Variants in USP25 observed in about 807,000 individuals in gnomAD.
USP25 encodes ubiquitin specific peptidase 25, also known as ubiquitin carboxyl-terminal hydrolase 25.
A neutral mutation model predicts 158.5 loss-of-function variants in USP25; 85 were observed. The ratio of observed to expected loss-of-function variants is 0.54; its 90% CI spans 0.45 to 0.64. USP25 has a LOEUF of 0.64. Among genes scored for constraint, USP25 ranks in the 30% least tolerant of loss-of-function variants. USP25 has a pLI of 0.00. For missense variants in USP25, 1,242 were observed against 1,327.3 expected (o/e 0.94, Z 1.00); for synonymous variants, 464 against 460.4 (o/e 1.01, Z -0.10).
chr21:15,742,911 G>C (rs1445198428), intron 1 of USP25, among the ~76,000 whole-genome samples: 1 of 152,208 alleles, frequency 6.6e-6, no homozygotes, highest in Non-Finnish European at 1.5e-5. Flanking sequence ...TATACCGCAT[G>C]TGGCTTCCAC....
intron 10 of USP25, among the ~76,000 whole-genome samples, chr21:15,822,722 T>G (rs867411409): frequency 6.6e-6 from 1 of 152,128 alleles, no homozygotes; most frequent in South Asian, 2.1e-4. Context: ...GGATTAGAAC[T>G]AACTCAAAAA....
intron 9 of USP25, among the ~76,000 whole-genome samples, chr21:15,815,372 G>A (rs2036884847): frequency 1.3e-5 from 2 of 152,206 alleles, no homozygotes; most frequent in African/African-American, 4.8e-5. Context: ...TAGTGGAACT[G>A]TGAGAAGAAG....
Position 15,730,021 on chromosome 21 carries a change from C to T in USP25, c.-373C>T, listed in dbSNP as rs907747925. 6 of 151,634 alleles carry T rather than the reference C, an allele frequency of 4.0e-5. No individual in the cohort carries two copies. The highest frequency in any genetic ancestry group is 2.0e-4 in the Admixed American group (3 of 15,206). 9.4% of individuals were successfully genotyped at this position (151,634 alleles called of 1,614,324 possible). On this transcript the variant is annotated 5_prime_UTR_variant, in exon 1 of 26. Transcript: ENST00000400183. ...CTCCCTCCGTCCCCTCTCTCCCTTC[C>T]CCAAAGCAGCCCGCGGACCGGCAGC...
Position 15,762,914 on chromosome 21 carries a change from A to G in USP25, c.69A>G (p.Gln23=), listed in dbSNP as rs79517903. Residue 23 remains glutamine (Q), a synonymous_variant, in exon 2 of 26, where the codon CAA becomes CAG. Coordinates refer to ENST00000400183, the MANE Select transcript of USP25 (RefSeq NM_001283041.3). ...AGCACCAGCAGACGTTTTTGAATCA[A>G]CTGAGAGAAATTACGGGGATTAATG... is the stretch of plus-strand genomic sequence containing the variant. ...AQKHQQTFLN[Q]LREITGINDT... 3,305 of 1,612,838 alleles carry G rather than the reference A, an allele frequency of 2.0e-3. 38 individuals carry two copies. In the African/African-American group the frequency reaches 0.03, roughly 15 times the overall value.
intron 22 of USP25, among the ~76,000 whole-genome samples, chr21:15,869,866 T>C (rs2039812589): frequency 6.6e-6 from 1 of 152,320 alleles, no homozygotes; most frequent in Non-Finnish European, 1.5e-5. Flanking sequence ...TGCCTAATAA[T>C]TTTTAGATTT....
intron 4 of USP25, among the ~76,000 whole-genome samples, chr21:15,786,749 A>T (rs2035297902): frequency 6.6e-6 from 1 of 152,108 alleles, no homozygotes; most frequent in Non-Finnish European, 1.5e-5. Context: ...CCTATTCAAC[A>T]TAGTACTGGA....
chr21:15,730,974 C>CTTTTTTTT (rs1420306163), intron 1 of USP25, among the ~76,000 whole-genome samples: 3 of 60,340 alleles, frequency 5.0e-5, no homozygotes, highest in African/African-American at 1.5e-4. Context: ...TTCTTCTTTT[C>CTTTTTTTT]TGTTTTTTTT....
intron 3 of USP25, among the ~76,000 whole-genome samples, chr21:15,769,683 T>C (rs1017597365): frequency 2.0e-5 from 3 of 152,136 alleles, no homozygotes. Context: ...AACTCTGTCA[T>C]AGACATGACC....
At chr21:15,734,790 T>A (rs1311913501) in intron 1 of USP25, among the ~76,000 whole-genome samples, 3 of 152,178 alleles carry the variant, frequency 2.0e-5, no homozygotes, top group Non-Finnish European at 4.4e-5. Context: ...AAAACTAGAT[T>A]TAGATGTTGA....
At chr21:15,803,418 G>A (rs955985969) in intron 6 of USP25, among the ~76,000 whole-genome samples, 9 of 151,484 alleles carry the variant, frequency 5.9e-5, no homozygotes, top group African/African-American at 2.2e-4. Context: ...AGAGAAGTGG[G>A]GCTTATCCAG....
chr21:15,823,230 ATCTT>A (rs532069522), intron 10 of USP25, among the ~76,000 whole-genome samples: 453 of 152,176 alleles, frequency 3.0e-3, no homozygotes, highest in African/African-American at 0.01. Context: ...TTTACATACA[ATCTT>A]TCTTTCTCTT....
Position 15,777,934 on chromosome 21 carries a change from A to T in USP25, c.299A>T (p.Asp100Val), listed in dbSNP as rs1393506444. The T allele has an allele frequency of 3.1e-6, 5 of 1,611,602 alleles. No homozygotes were observed. In the South Asian group the frequency reaches 4.4e-5, roughly 14 times the overall value. ...NVIDLTGDDK[D>V]DLQRAIALSL... ...ATTGATCTCACTGGAGATGATAAAGATGATCTTCAGAGAGCAATTGCCTTG... is the reference window on the plus strand; with the variant it reads ...ATTGATCTCACTGGAGATGATAAAGTTGATCTTCAGAGAGCAATTGCCTTG... Residue 100 changes from aspartate to valine, a missense_variant, in exon 4 of 26, where the codon GAT becomes GTT. Coordinates refer to ENST00000400183, the MANE Select transcript of USP25 (RefSeq NM_001283041.3).
chr21:15,740,641 GTTTTTTTTTTTTTTTTTTTT>G lies in USP25; in HGVS notation c.45+10217_45+10236del, dbSNP rs60616271. Among the ~76,000 whole-genome samples the G allele has an allele frequency of 3.4e-4, 14 of 41,306 alleles. 1 individual carries two copies. In the South Asian group the frequency reaches 8.5e-3, roughly 25 times the overall value. 27.1% of individuals were successfully genotyped at this position (41,306 alleles called of 152,430 possible). A position where few individuals can be genotyped will look rare whatever the true frequency, so the allele number is the denominator to read the frequency against. On this transcript the variant is annotated intron_variant, in intron 1 of 25. Coordinates refer to ENST00000400183, the MANE Select transcript of USP25 (RefSeq NM_001283041.3). Reference sequence around the variant, plus strand: ...GTAATCTTCCTGTTTCTTTCTGGCTGTTTTTTTTTTTTTTTTTTTTTTTTTTTTTTTTTGGTATGTGCGTG... The same window carrying G: ...GTAATCTTCCTGTTTCTTTCTGGCTGTTTTTTTTTTTTTGGTATGTGCGTG...
At chr21:15,736,306 C>T (rs1371955729) in intron 1 of USP25, among the ~76,000 whole-genome samples, 1 of 152,068 alleles carries the variant, frequency 6.6e-6, no homozygotes, top group Non-Finnish European at 1.5e-5. Flanking sequence ...TCGTGTTGGC[C>T]AGGCTGGTCT....
At chr21:15,858,919 A>G (rs2039284481) in intron 20 of USP25, among the ~76,000 whole-genome samples, 1 of 151,724 alleles carries the variant, frequency 6.6e-6, no homozygotes, top group Non-Finnish European at 1.5e-5. Context: ...ATACTTGTAA[A>G]CCCTTAATTC....
At chr21:15,797,194 A>G (rs1038766998) in intron 5 of USP25, among the ~76,000 whole-genome samples, 1 of 151,398 alleles carries the variant, frequency 6.6e-6, no homozygotes, top group Non-Finnish European at 1.5e-5. Context: ...AGGGAGAGTA[A>G]AAGGAAATAG....
chr21:15,848,829 A>G (rs1274619094), intron 19 of USP25, among the ~76,000 whole-genome samples: 2 of 152,186 alleles, frequency 1.3e-5, no homozygotes, highest in Non-Finnish European at 1.5e-5. Flanking sequence ...AATTCTCAGT[A>G]TATAATCCAA....
intron 8 of USP25, among the ~76,000 whole-genome samples, chr21:15,809,720 T>C (rs2036565197): frequency 2.0e-5 from 3 of 152,178 alleles, no homozygotes; most frequent in African/African-American, 7.2e-5. Flanking sequence ...AGCAACGTTA[T>C]TCACAATAGC....
At chr21:15,846,139 TATATATATATATATATATA>T (rs1293312227) in intron 18 of USP25, among the ~76,000 whole-genome samples, 808 of 57,340 alleles carry the variant, frequency 0.014, 33 homozygotes, top group African/African-American at 0.065. Context: ...TATATATATA[TATATATATATATATATATA>T]TTTTTTTTTT....
Sources: allele counts gnomAD v4.1 joint callset (sites outside exome capture counted in the v4.1 genomes callset), GRCh38; gene constraint gnomAD v4.1.1; transcripts MANE v1.5; gene names NCBI Gene and HGNC (gene_info 2026-07-23, HGNC 2026-07-21).